Variants in R3HDM1 observed in about 807,000 individuals in gnomAD.
R3HDM1 encodes the protein R3H domain containing 1.
A neutral mutation model predicts 141.1 loss-of-function variants in R3HDM1; 46 were observed. The ratio of observed to expected loss-of-function variants is 0.33; its 90% CI spans 0.26 to 0.42. The LOEUF is 0.42. Ranked by LOEUF, R3HDM1 falls within the 10% of genes least tolerant of loss-of-function variation. The probability of loss-of-function intolerance (pLI) is 1.00; values close to 1 mark genes in which losing one functional copy is unlikely to be tolerated. For missense variants in R3HDM1, 1,184 were observed against 1,368.3 expected, an observed-to-expected ratio of 0.87 and a Z score of 2.12; for synonymous variants, 435 against 472.9, an observed-to-expected ratio of 0.92 and a Z score of 1.04.
intron 1 of R3HDM1, among the ~76,000 whole-genome samples, chr2:135,585,533 T>G (rs1461283942): frequency 6.6e-6 from 1 of 152,350 alleles, no homozygotes. Context: ...GCACATGCTA[T>G]ACCCAGCTAT....
At chr2:135,686,740 A>C (rs756700327) in intron 21 of R3HDM1, among the ~76,000 whole-genome samples, 15 of 152,184 alleles carry the variant, frequency 9.9e-5, no homozygotes, top group Non-Finnish European at 2.2e-4. Context: ...CCCTCTCTGA[A>C]AGAAAAAAAG....
At chr2:135,543,924 A>C (rs996137721) in intron 1 of R3HDM1, among the ~76,000 whole-genome samples, 2 of 152,244 alleles carry the variant, frequency 1.3e-5, no homozygotes, top group African/African-American at 4.8e-5. Context: ...AGAGAACCAC[A>C]TGTTGAATGG....
intron 18 of R3HDM1, among the ~76,000 whole-genome samples, chr2:135,660,586 C>T (rs750517007): frequency 1.3e-5 from 2 of 152,106 alleles, no homozygotes; most frequent in Non-Finnish European, 2.9e-5. Context: ...TGGCTCATGC[C>T]TGTAATCCCA....
At position 135,724,196 on chromosome 2, in the gene R3HDM1, A is replaced by G. The variant is rs1287173517; in HGVS notation, c.3309A>G (p.Ala1103=). Residue 1103 remains alanine, a synonymous_variant, in exon 27 of 27, where the codon GCA becomes GCG. Coordinates refer to ENST00000683871, the MANE Select transcript of R3HDM1 (RefSeq NM_001378107.1). Reference sequence around the variant, plus strand: ...CCTCCATTTCAGCTGCACAGAATGCACTGAAGAAACAAATTAACTCAGTTA... The same window carrying G: ...CCTCCATTTCAGCTGCACAGAATGCGCTGAAGAAACAAATTAACTCAGTTA... ...TFPSISAAQN[A]LKKQINSVNK... is the part of the protein sequence containing the mutation. 3 of 1,614,056 alleles carry G rather than the reference A, an allele frequency of 1.9e-6. No individual in the cohort carries two copies. The Admixed American group carries it at 5.0e-5, about 27-fold the overall frequency.
intron 16 of R3HDM1, chr2:135,649,430 G>A (rs2064887004): frequency 6.6e-6 from 1 of 152,052 alleles, no homozygotes; most frequent in African/African-American, 2.4e-5. Flanking sequence ...TTATCAGTAG[G>A]GTAATTGGAA....
intron 14 of R3HDM1, 29 bp from the exon 15 acceptor site, chr2:135,641,507 A>G: frequency 6.4e-7 from 1 of 1,567,030 alleles, no homozygotes; most frequent in South Asian, 1.2e-5. Context: ...GGTTTAAAAA[A>G]TCCATATTTT....
chr2:135,563,865 G>A (rs1702244220), intron 1 of R3HDM1, among the ~76,000 whole-genome samples: 1 of 152,218 alleles, frequency 6.6e-6, no homozygotes, highest in Non-Finnish European at 1.5e-5. Context: ...TCTGCAGGCT[G>A]TACAGGAAGC....
At chr2:135,545,451 C>T (rs1169107398) in intron 1 of R3HDM1, among the ~76,000 whole-genome samples, 1 of 152,094 alleles carries the variant, frequency 6.6e-6, no homozygotes, top group Non-Finnish European at 1.5e-5. Context: ...CATCTCTTGA[C>T]ATTCAAGCAA....
intron 15 of R3HDM1, 135 bp from the exon 16 acceptor site, chr2:135,645,244 T>C: frequency 4.0e-6 from 3 of 746,942 alleles, no homozygotes; most frequent in Admixed American, 6.1e-5. Flanking sequence ...TAAGGAAATC[T>C]TTGTTTTCAA....
At chr2:135,574,979 C>T (rs1705050158) in intron 1 of R3HDM1, among the ~76,000 whole-genome samples, 1 of 152,080 alleles carries the variant, frequency 6.6e-6, no homozygotes, top group African/African-American at 2.4e-5. Context: ...TAGTTAGATA[C>T]ATCGATTTAA....
intron 1 of R3HDM1, among the ~76,000 whole-genome samples, chr2:135,556,898 C>T (rs910266145): frequency 2.0e-5 from 3 of 152,152 alleles, no homozygotes; most frequent in Admixed American, 1.3e-4. Context: ...CTTAGATTCT[C>T]TAGGTCTTAC....
In R3HDM1 at chr2:135,548,975, A is replaced by G. The variant is rs187231112; in HGVS notation, c.-250+17342A>G. Among the ~76,000 whole-genome samples the G allele has an allele frequency of 4.2e-3, 637 of 152,320 alleles. 5 individuals carry two copies. Among genetic ancestry groups the G allele is most frequent in the African/African-American group, 0.014 (603 of 41,592 alleles). The stretch of plus-strand genomic sequence containing the variant: ...TAATACAAAATTCAGTCAATTTAAT[A>G]CTGTCAAACGTTTTATGATTTCTTG... On this transcript the variant is annotated intron_variant, in intron 1 of 26. Transcript: ENST00000683871.
intron 6 of R3HDM1, chr2:135,621,818 A>G: frequency 3.1e-6 from 3 of 982,884 alleles, no homozygotes; most frequent in Non-Finnish European, 3.6e-6. Context: ...TGCAACACAT[A>G]ACAGACGTTG....
At chr2:135,618,195 C>T (rs1317943826) in intron 5 of R3HDM1, among the ~76,000 whole-genome samples, 5 of 148,002 alleles carry the variant, frequency 3.4e-5, no homozygotes, top group Middle Eastern at 3.6e-3. Context: ...CGGAGTTTCA[C>T]TCTTGTTGAC....
intron 1 of R3HDM1, among the ~76,000 whole-genome samples, chr2:135,577,710 C>T (rs929985225): frequency 7.9e-5 from 12 of 151,540 alleles, no homozygotes; most frequent in Admixed American, 5.9e-4. Context: ...TGGTGGTGGG[C>T]GCCTGTAATC....
chr2:135,692,609 A>G (rs1231459128), intron 21 of R3HDM1, among the ~76,000 whole-genome samples: 1 of 152,140 alleles, frequency 6.6e-6, no homozygotes, highest in Non-Finnish European at 1.5e-5. Flanking sequence ...ATAAATAAAC[A>G]TTATGCTTAA....
rs1436595439 is a variant in R3HDM1, at chr2:135,612,147, T to C, written c.172-4005T>C. On this transcript the variant is annotated intron_variant, in intron 3 of 26. Transcript: ENST00000683871. ...AGCTCTCCCACCTCAGAGAACTTTG[T>C]ATTTTTCATTTATTCCAGTAGAAAT... Among the ~76,000 whole-genome samples the C allele has an allele frequency of 2.0e-5, 3 of 152,336 alleles. No homozygotes were observed. The East Asian group carries it at 5.8e-4, about 29-fold the overall frequency.
At chr2:135,653,202 A>G (rs2065348534) in intron 18 of R3HDM1, among the ~76,000 whole-genome samples, 1 of 152,100 alleles carries the variant, frequency 6.6e-6, no homozygotes, top group African/African-American at 2.4e-5. Context: ...CTGAAAATAC[A>G]AAAATTAGCT....
chr2:135,653,979 AAATT>A (rs2065463238), intron 18 of R3HDM1, among the ~76,000 whole-genome samples: 1 of 152,148 alleles, frequency 6.6e-6, no homozygotes, highest in African/African-American at 2.4e-5. Flanking sequence ...ACATAATATA[AAATT>A]AATCATTTAA....
Sources: allele counts gnomAD v4.1 joint callset (sites outside exome capture counted in the v4.1 genomes callset), GRCh38; gene constraint gnomAD v4.1.1; transcripts MANE v1.5; gene names NCBI Gene and HGNC (gene_info 2026-07-23, HGNC 2026-07-21).